The following RANBP2 variants were observed in gnomAD, a reference collection of about 807,000 sequenced individuals.
RANBP2 encodes E3 SUMO-protein ligase RanBP2.
In RANBP2, 57 loss-of-function variants were observed where a neutral mutation model predicts 303.6. That is an observed-to-expected ratio of 0.19 (90% CI 0.15 to 0.23). RANBP2 has a LOEUF of 0.23. RANBP2 is among the 10% of genes least tolerant of loss of function. The pLI is 1.00. For missense variants in RANBP2, 3,138 were observed against 3,780.8 expected, an observed-to-expected ratio of 0.83 and a Z score of 4.46; for synonymous variants, 1,167 against 1,301.5, an observed-to-expected ratio of 0.90 and a Z score of 2.23.
At chr2:109,357,244 C>T in the RANBP2 span, among the ~76,000 whole-genome samples, 2 of 151,712 alleles carry the variant, frequency 1.3e-5, no homozygotes, top group Non-Finnish European at 1.5e-5. Context: ...TGCAGTGGCA[C>T]GATCTCGGCT....
chr2:109,226,010 A>G, the RANBP2 span, among the ~76,000 whole-genome samples: 1 of 152,248 alleles, frequency 6.6e-6, no homozygotes. Context: ...CCATTTTAAT[A>G]TTAGAGTAGT....
the RANBP2 span, among the ~76,000 whole-genome samples, chr2:109,688,710 C>T: frequency 2.3e-5 from 3 of 128,056 alleles, no homozygotes; most frequent in Non-Finnish European, 4.7e-5. Context: ...ACCCGGCAGG[C>T]GGAGGTTGCA....
the RANBP2 span, among the ~76,000 whole-genome samples, chr2:108,808,917 C>G: frequency 2.6e-5 from 4 of 152,082 alleles, no homozygotes; most frequent in East Asian, 7.7e-4. Context: ...GAACTATTTC[C>G]CATTTTTTCC....
the RANBP2 span, among the ~76,000 whole-genome samples, chr2:109,682,664 G>T: frequency 6.6e-6 from 1 of 152,274 alleles, no homozygotes; most frequent in Admixed American, 6.5e-5. Flanking sequence ...TCATAGTAAG[G>T]TGTGATGGCT....
At chr2:108,974,929 G>C in the RANBP2 span, among the ~76,000 whole-genome samples, 1 of 152,122 alleles carries the variant, frequency 6.6e-6, no homozygotes, top group Admixed American at 6.5e-5. Flanking sequence ...GGTGTGCAGG[G>C]CTCTGGTGGA....
At chr2:109,401,351 C>A in the RANBP2 span, among the ~76,000 whole-genome samples, 2 of 152,204 alleles carry the variant, frequency 1.3e-5, no homozygotes. Flanking sequence ...GGAGCAGCGG[C>A]CTGGCCCTTG....
At chr2:109,469,479 CTA>C in the RANBP2 span, among the ~76,000 whole-genome samples, 5 of 152,324 alleles carry the variant, frequency 3.3e-5, no homozygotes, top group South Asian at 2.1e-4. Flanking sequence ...AGGGGTCACA[CTA>C]TGTGTGCAGT....
chr2:109,000,167 G>A, the RANBP2 span, among the ~76,000 whole-genome samples: 3 of 152,218 alleles, frequency 2.0e-5, no homozygotes, highest in East Asian at 5.8e-4. Context: ...CCATAACGGT[G>A]TTCCAGATGA....
At chr2:108,743,027 GATCCGCCC>G (rs1696239335) in intron 7 of RANBP2, among the ~76,000 whole-genome samples, 1 of 152,222 alleles carries the variant, frequency 6.6e-6, no homozygotes, top group African/African-American at 2.4e-5. Flanking sequence ...CTGACCTCAT[GATCCGCCC>G]ACCTTGGCCT....
chr2:108,738,991 G>A (rs573613108), intron 6 of RANBP2, among the ~76,000 whole-genome samples: 123 of 152,244 alleles, frequency 8.1e-4, no homozygotes, highest in African/African-American at 2.9e-3. Flanking sequence ...GTCAGAAAGT[G>A]TCATTGCTTT....
the RANBP2 span, among the ~76,000 whole-genome samples, chr2:109,256,601 T>C: frequency 1.9e-4 from 29 of 152,272 alleles, no homozygotes; most frequent in African/African-American, 7.0e-4. Flanking sequence ...GCCTGAGAGC[T>C]TCGAGGGGAT....
the RANBP2 span, among the ~76,000 whole-genome samples, chr2:109,428,665 T>C: frequency 6.6e-6 from 1 of 152,252 alleles, no homozygotes; most frequent in Admixed American, 6.5e-5. Flanking sequence ...GAAGGCTCTC[T>C]GATCCTAAAA....
At chr2:108,886,744 A>C in the RANBP2 span, among the ~76,000 whole-genome samples, 1 of 152,076 alleles carries the variant, frequency 6.6e-6, no homozygotes, top group East Asian at 1.9e-4. Context: ...GATTTAAAAA[A>C]AAAATTTAAC....
the RANBP2 span, chr2:109,616,425 T>G: frequency 3.4e-5 from 6 of 177,424 alleles, no homozygotes; most frequent in Non-Finnish European, 7.9e-5. Context: ...AATAATGCAG[T>G]TTTTATGTAT....
chr2:108,979,610 G>A, the RANBP2 span, among the ~76,000 whole-genome samples: 1 of 152,128 alleles, frequency 6.6e-6, no homozygotes, highest in African/African-American at 2.4e-5. Context: ...ATGCTGCTGA[G>A]GTGCAGGGCT....
At chr2:109,156,383 C>T in the RANBP2 span, among the ~76,000 whole-genome samples, 1 of 151,954 alleles carries the variant, frequency 6.6e-6, no homozygotes, top group African/African-American at 2.4e-5. Flanking sequence ...AGTATCCACT[C>T]GGGTGTTTGT....
chr2:109,298,812 C>T, the RANBP2 span, among the ~76,000 whole-genome samples: 3 of 152,300 alleles, frequency 2.0e-5, no homozygotes, highest in African/African-American at 7.2e-5. Context: ...GACAGAGCTG[C>T]CACCAGAGGG....
chr2:109,760,481 C>T, the RANBP2 span: 3,073 of 968,558 alleles, frequency 3.2e-3, 87 homozygotes, highest in Non-Finnish European at 3.5e-3. Context: ...GCTGCTCTCT[C>T]TTGAGTGTGC....
the RANBP2 span, among the ~76,000 whole-genome samples, chr2:109,555,871 CTG>C: frequency 7.9e-5 from 12 of 152,308 alleles, no homozygotes; most frequent in African/African-American, 2.6e-4. Flanking sequence ...GTTTTCATTT[CTG>C]TGTTCATCCT....
Sources: gnomAD v4.1 joint callset for allele counts (sites outside exome capture counted in the v4.1 genomes callset) on GRCh38, gnomAD v4.1.1 for gene constraint, MANE v1.5 for transcripts, NCBI Gene and HGNC (gene_info 2026-07-23, HGNC 2026-07-21) for gene names.